Variants in HNRNPL observed in about 807,000 individuals in gnomAD.
HNRNPL encodes the protein epididymis secretory sperm binding protein.
Under a neutral mutation model 64.0 loss-of-function variants are expected in HNRNPL, and 12 were observed. The observed-to-expected ratio is 0.19, with a 90% confidence interval of 0.12 to 0.30. The LOEUF (loss-of-function observed/expected upper bound fraction) is 0.30. Among genes scored for constraint, HNRNPL ranks in the 10% least tolerant of loss-of-function variants. HNRNPL has a pLI of 1.00. For synonymous variants in HNRNPL, 385 were observed against 313.0 expected (o/e 1.23, Z -2.43); for missense variants, 484 against 797.4 (o/e 0.61, Z 4.73).
At chr19:38,851,165 T>C (rs1332792449), upstream of HNRNPL, 5 of 152,448 alleles carry the variant, frequency 3.3e-5, no homozygotes, top group African/African-American at 1.2e-4. Context: ...CCTGGCACAG[T>C]GCAAGCCCCC....
intron 7 of HNRNPL, 33 bp downstream of exon 7, chr19:38,840,455 G>A (rs201026923): frequency 4.8e-5 from 75 of 1,568,702 alleles, no homozygotes; most frequent in African/African-American, 2.3e-4. Context: ...CATGAGCCAC[G>A]GGAGTCCACG....
At chr19:38,846,447 C>T (rs1482180324) in intron 2 of HNRNPL, among the ~76,000 whole-genome samples, 2 of 152,168 alleles carry the variant, frequency 1.3e-5, no homozygotes, top group Non-Finnish European at 2.9e-5. Flanking sequence ...ATATAGCATG[C>T]ACCAAATATT....
intron 6 of HNRNPL, chr19:38,841,755 T>C (rs1193396909): frequency 1.5e-5 from 9 of 611,460 alleles, no homozygotes; most frequent in Admixed American, 2.5e-5. Context: ...TAAAGAATTG[T>C]TTTAAAAGTC....
Position 38,838,961 on chromosome 19 carries a change from A to G in HNRNPL, c.1288T>C (p.Tyr430His). The change falls in exon 9 of 13, where the codon TAC becomes CAC. Residue 430 changes from tyrosine to histidine, a missense_variant. This residue lies in a region of HNRNPL where 53 missense variants were observed against 131.3 expected (regional missense o/e 0.40). Coordinates refer to ENST00000221419, the MANE Select transcript of HNRNPL (RefSeq NM_001533.3). ...TGGGTAATGGCCCGGTCTACAGCGT[A>G]GCCATCAGCCATCTCCACCATGGCG... ...GAAMVEMADGYAVDRAITHLN... is the reference protein window; with the variant it reads ...GAAMVEMADGHAVDRAITHLN... 1 of 1,614,128 alleles carries G rather than the reference A, an allele frequency of 6.2e-7. No homozygotes were observed. The highest frequency in any genetic ancestry group is 8.5e-7 in the Non-Finnish European group (1 of 1,180,026).
chr19:38,841,325 C>G, intron 6 of HNRNPL: 1 of 344,702 alleles, frequency 2.9e-6, no homozygotes, highest in South Asian at 2.2e-5. Flanking sequence ...GAGGTAGGTT[C>G]TGATATTTCA....
intron 8 of HNRNPL, chr19:38,839,662 T>C (rs1448360600): frequency 1.0e-5 from 2 of 191,886 alleles, no homozygotes; most frequent in Non-Finnish European, 2.2e-5. Flanking sequence ...CAGACGGGTT[T>C]AATGTTAAGC....
In HNRNPL at chr19:38,836,637, C is replaced by CT. The variant is rs1971938278; in HGVS notation, c.*84dup. 3 of 339,248 alleles carry CT rather than the reference C, an allele frequency of 8.8e-6. No homozygotes were observed. Among genetic ancestry groups the CT allele is most frequent in the Non-Finnish European group, 1.7e-5 (3 of 180,924 alleles). The allele number at this position is 339,248 out of a possible 1,614,324, so 21.0% of individuals were successfully genotyped here. A position where few individuals can be genotyped will look rare whatever the true frequency, so the allele number is the denominator to read the frequency against. ...AAAAAAAAAAAAAGGAATACAAGAT[C>CT]TTTTGCAAATAACAAAAACAAAAAA... On this transcript the variant is annotated 3_prime_UTR_variant, in exon 13 of 13. Coordinates refer to ENST00000221419, the MANE Select transcript of HNRNPL (RefSeq NM_001533.3).
At chr19:38,841,945 C>T (rs1972130228) in intron 6 of HNRNPL, 1 of 350,314 alleles carries the variant, frequency 2.9e-6, no homozygotes, top group Non-Finnish European at 5.6e-6. Flanking sequence ...TGCGTGTCTC[C>T]TGGTATGAGG....
chr19:38,851,574 G>T (rs140135145), upstream of HNRNPL, among the ~76,000 whole-genome samples: 5 of 152,340 alleles, frequency 3.3e-5, no homozygotes, highest in African/African-American at 1.2e-4. Flanking sequence ...GCTGATGGGG[G>T]ATTTCGAGTT....
At position 38,845,782 on chromosome 19, in the gene HNRNPL, T is replaced by C. The variant is rs368744144; in HGVS notation, c.625-47A>G. ...AGATGAAGGGGCACTGGCAGATCAG[T>C]CTGGCTTGGGGGAGGGAATAAGGGG... On this transcript the variant is annotated intron_variant, in intron 3 of 12. Coordinates refer to ENST00000221419, the MANE Select transcript of HNRNPL (RefSeq NM_001533.3). 5 of 1,600,166 alleles carry C rather than the reference T, an allele frequency of 3.1e-6. No homozygotes were observed. The Admixed American group carries it at 5.0e-5, about 16-fold the overall frequency.
At chr19:38,839,974 T>A in intron 8 of HNRNPL, 122 bp downstream of exon 8, 2 of 853,798 alleles carry the variant, frequency 2.3e-6, no homozygotes, top group Non-Finnish European at 3.8e-6. Flanking sequence ...CTGAGCTCAC[T>A]GAGTCACTCA....
chr19:38,843,818 G>C (rs1371959065), intron 6 of HNRNPL, 24 bp downstream of exon 6: 11 of 1,597,368 alleles, frequency 6.9e-6, no homozygotes, highest in Admixed American at 1.7e-5. Flanking sequence ...GGTATGTTTA[G>C]AACAAAGTGG....
intron 11 of HNRNPL, 46 bp downstream of exon 11, chr19:38,837,548 C>G (rs1568366270): frequency 1.9e-6 from 3 of 1,612,210 alleles, no homozygotes; most frequent in Non-Finnish European, 1.7e-6. Context: ...AGCTGCCCAC[C>G]AACCACCATG....
At chr19:38,848,936 G>T (rs911315684) in intron 1 of HNRNPL, among the ~76,000 whole-genome samples, 1 of 152,182 alleles carries the variant, frequency 6.6e-6, no homozygotes, top group African/African-American at 2.4e-5. Flanking sequence ...CAAGATTTTG[G>T]AAAGAGTGGG....
Position 38,849,686 on chromosome 19 carries a change from G to A in HNRNPL, c.267+14C>T, listed in dbSNP as rs1302264742. 1.5e-6 allele frequency: 2 copies of A among 1,327,372 alleles called. No homozygotes were observed. The highest frequency in any genetic ancestry group is 1.5e-5 in the African/African-American group (1 of 64,728). 82.2% of individuals were successfully genotyped at this position (1,327,372 alleles called of 1,614,324 possible). A position where few individuals can be genotyped will look rare whatever the true frequency, so the allele number is the denominator to read the frequency against. ...AGTTCCCGGCCTTCCCAGCGCCTAG[G>A]GCCCTGGCCTCACCCCACCGCCGCC... On this transcript the variant is annotated intron_variant, in intron 1 of 12. Transcript: ENST00000221419.
chr19:38,839,403 G>C, intron 8 of HNRNPL: 1 of 197,026 alleles, frequency 5.1e-6, no homozygotes, highest in South Asian at 8.1e-5. Context: ...AGCAGTGCCG[G>C]CTCTGGAGCC....
intron 1 of HNRNPL, among the ~76,000 whole-genome samples, chr19:38,848,156 T>C (rs190562898): frequency 2.9e-4 from 44 of 152,336 alleles, no homozygotes; most frequent in Non-Finnish European, 4.7e-4. Context: ...TATGGCGTGA[T>C]CTTAGTCCAC....
In HNRNPL at chr19:38,837,655, C is replaced by CA; in HGVS notation, c.1558-5dup. 2 of 1,614,016 alleles carry CA rather than the reference C, an allele frequency of 1.2e-6. No individual in the cohort carries two copies. Among genetic ancestry groups the CA allele is most frequent in the Non-Finnish European group, 1.7e-6 (2 of 1,179,892 alleles). ...TCACTCCCAGCTCATCGCAGATCTG[C>CA]AAAAGAAAACAGGTAGTAAATGAAC... On this transcript the variant is annotated splice_region_variant and splice_polypyrimidine_tract_variant and intron_variant, in intron 10 of 12. Coordinates refer to ENST00000221419, the MANE Select transcript of HNRNPL (RefSeq NM_001533.3).
rs1362637895 is a variant in HNRNPL at position 38,847,473 on chromosome 19, G to C, written c.268-39C>G. 7.6e-6 allele frequency: 10 copies of C among 1,311,778 alleles called. No homozygotes were observed. In the South Asian group the frequency reaches 1.1e-4, roughly 14 times the overall value. 81.3% of individuals were successfully genotyped at this position (1,311,778 alleles called of 1,614,324 possible). ...CAAAAACAAGAATTATTTTCTTGCT[G>C]TACAAGATGACGCCCCACTGGCCTC... On this transcript the variant is annotated intron_variant, in intron 1 of 12. Transcript: ENST00000221419.
Sources: allele counts gnomAD v4.1 joint callset (sites outside exome capture counted in the v4.1 genomes callset), GRCh38; gene constraint gnomAD v4.1.1; regional missense constraint gnomAD v4.1.1; transcripts MANE v1.5; gene names NCBI Gene and HGNC (gene_info 2026-07-23, HGNC 2026-07-21).